MYLK: variants seen among roughly 807,000 people sequenced by gnomAD.
MYLK encodes myosin light chain kinase, also known as myosin light chain kinase, smooth muscle.
A neutral mutation model predicts 203.4 loss-of-function variants in MYLK; 106 were observed. That is an observed-to-expected ratio of 0.52 (90% CI 0.45 to 0.61). The LOEUF is 0.61. Ranked by LOEUF, MYLK falls within the 20% of genes least tolerant of loss-of-function variation. MYLK has a pLI of 0.00. For synonymous variants in MYLK, 867 were observed against 959.5 expected (o/e 0.90, Z 1.78); for missense variants, 2,072 against 2,442.3 (o/e 0.85, Z 3.20).
intron 23 of MYLK, among the ~76,000 whole-genome samples, chr3:123,660,559 T>C (rs1048598759): frequency 6.6e-6 from 1 of 152,144 alleles, no homozygotes; most frequent in African/African-American, 2.4e-5. Flanking sequence ...TTTTAAAATA[T>C]AATAATAATA....
chr3:123,736,082 G>A (rs993335940), intron 8 of MYLK, among the ~76,000 whole-genome samples: 2 of 152,188 alleles, frequency 1.3e-5, no homozygotes, highest in African/African-American at 4.8e-5. Flanking sequence ...ATTGCTCTGG[G>A]TGTCTGGTGG....
At chr3:123,835,672 T>A (rs1465856494) in intron 2 of MYLK, among the ~76,000 whole-genome samples, 1 of 152,234 alleles carries the variant, frequency 6.6e-6, no homozygotes, top group Non-Finnish European at 1.5e-5. Flanking sequence ...AGTTTCTCTC[T>A]GACCTTCTTC....
At chr3:123,862,718 C>T (rs1251590467) in intron 2 of MYLK, among the ~76,000 whole-genome samples, 1 of 152,184 alleles carries the variant, frequency 6.6e-6, no homozygotes, top group Non-Finnish European at 1.5e-5. Context: ...TGACAGAGAA[C>T]CAATCCCCTG....
intron 3 of MYLK, among the ~76,000 whole-genome samples, chr3:123,800,604 C>A (rs995388923): frequency 5.3e-5 from 8 of 152,114 alleles, no homozygotes; most frequent in Non-Finnish European, 8.8e-5. Flanking sequence ...TGGAGCACTC[C>A]TCTAAAATGA....
chr3:123,771,317 C>T (rs1167643389), intron 4 of MYLK, among the ~76,000 whole-genome samples: 1 of 152,026 alleles, frequency 6.6e-6, no homozygotes, highest in African/African-American at 2.4e-5. Flanking sequence ...CGGAGTTTAC[C>T]CTGAAAATCT....
chr3:123,711,726 G>A (rs910339914), intron 13 of MYLK, among the ~76,000 whole-genome samples: 8 of 152,194 alleles, frequency 5.3e-5, no homozygotes, highest in Non-Finnish European at 1.0e-4. Flanking sequence ...TTGAGAAAGG[G>A]AGGGTTAGGA....
chr3:123,669,381 G>A (rs1181385038), intron 20 of MYLK, among the ~76,000 whole-genome samples: 5 of 151,682 alleles, frequency 3.3e-5, no homozygotes, highest in Non-Finnish European at 7.4e-5. Flanking sequence ...CAGGCCTCAA[G>A]GTCTTAAATA....
intron 2 of MYLK, among the ~76,000 whole-genome samples, chr3:123,863,627 G>A (rs2032100813): frequency 6.6e-6 from 1 of 152,044 alleles, no homozygotes; most frequent in Non-Finnish European, 1.5e-5. Context: ...AATTATTAGG[G>A]AAATGCAAAT....
intron 3 of MYLK, among the ~76,000 whole-genome samples, chr3:123,802,049 T>C (rs888751569): frequency 7.2e-5 from 11 of 152,340 alleles, no homozygotes; most frequent in Non-Finnish European, 1.6e-4. Flanking sequence ...CATGTAATAA[T>C]GTATAAGTGT....
chr3:123,703,647 A>G (rs1323933577), intron 16 of MYLK, among the ~76,000 whole-genome samples: 1 of 151,974 alleles, frequency 6.6e-6, no homozygotes, highest in African/African-American at 2.4e-5. Context: ...CAACACTTAA[A>G]AAGGCTTATG....
At chr3:123,793,639 C>G (rs765936962) in intron 4 of MYLK, 38 bp downstream of exon 4, 2 of 1,612,586 alleles carry the variant, frequency 1.2e-6, no homozygotes, top group Non-Finnish European at 1.7e-6. Context: ...CCCTGCCCAT[C>G]CTTCCCCACA....
In MYLK at chr3:123,709,682, C is replaced by A; in HGVS notation, c.1942+74G>T. The A allele has an allele frequency of 3.8e-6, 6 of 1,594,708 alleles. No individual in the cohort carries two copies. In the South Asian group the frequency reaches 6.6e-5, roughly 18 times the overall value. On this transcript the variant is annotated intron_variant, in intron 14 of 33. Transcript: ENST00000360304. ...TGGTGGATCAAGGATCTGAGCGGGT[C>A]CTCGGAGAGCAATACCCATTGCAAC...
At chr3:123,828,416 A>C (rs1338591027) in intron 3 of MYLK, among the ~76,000 whole-genome samples, 1 of 152,108 alleles carries the variant, frequency 6.6e-6, no homozygotes, top group Admixed American at 6.6e-5. Context: ...GAAGAATAAG[A>C]CTAGACCCCC....
At chr3:123,806,075 C>T (rs1174502826) in intron 3 of MYLK, among the ~76,000 whole-genome samples, 1 of 114,034 alleles carries the variant, frequency 8.8e-6, no homozygotes, top group Non-Finnish European at 2.5e-5. Flanking sequence ...TTAATTCATG[C>T]TTTTATTTTT....
chr3:123,856,014 A>G (rs867577929), intron 2 of MYLK, among the ~76,000 whole-genome samples: 2 of 152,194 alleles, frequency 1.3e-5, no homozygotes, highest in Admixed American at 6.6e-5. Flanking sequence ...TGAATACTGC[A>G]ATTTGTTTAT....
chr3:123,659,554 C>A, intron 23 of MYLK: 1 of 327,590 alleles, frequency 3.1e-6, no homozygotes. Flanking sequence ...AGACCCAAGT[C>A]AGAAGTCCTA....
intron 16 of MYLK, 30 bp from the exon 17 acceptor site, chr3:123,701,539 A>G (rs1234661837): frequency 1.2e-6 from 2 of 1,611,054 alleles, no homozygotes; most frequent in Middle Eastern, 2.0e-4. Flanking sequence ...AATAAAGATC[A>G]AGAGGCCCTC....
intron 2 of MYLK, among the ~76,000 whole-genome samples, chr3:123,850,527 C>G (rs577135098): frequency 6.6e-6 from 1 of 152,174 alleles, no homozygotes; most frequent in Non-Finnish European, 1.5e-5. Flanking sequence ...TGTCTTTTGG[C>G]TGCATAAATG....
intron 13 of MYLK, among the ~76,000 whole-genome samples, chr3:123,719,145 C>A (rs865830942): frequency 6.6e-6 from 1 of 152,186 alleles, no homozygotes; most frequent in East Asian, 1.9e-4. Flanking sequence ...TGCAAAATCT[C>A]GGCAAAAGGC....
Sources: allele counts gnomAD v4.1 joint callset (sites outside exome capture counted in the v4.1 genomes callset), GRCh38; gene constraint gnomAD v4.1.1; transcripts MANE v1.5; gene names NCBI Gene and HGNC (gene_info 2026-07-23, HGNC 2026-07-21).